Variants in GYPC observed in about 807,000 individuals in gnomAD.
The protein encoded by GYPC is glycophorin-C.
A neutral mutation model predicts 12.6 loss-of-function variants in GYPC; 14 were observed. The observed-to-expected ratio is 1.11, with a 90% CI of 0.74 to 1.74. GYPC has a LOEUF of 1.74. Ranked by LOEUF, GYPC falls within the 40% of genes most tolerant of loss-of-function variation. The pLI is 0.00. For synonymous variants in GYPC, 78 were observed against 62.1 expected (o/e 1.26, Z -1.20); for missense variants, 225 against 172.1 (o/e 1.31, Z -1.72).
intron 1 of GYPC, chr2:126,685,866 T>C (rs1020890955): frequency 1.0e-6 from 1 of 985,386 alleles, no homozygotes; most frequent in East Asian, 1.1e-4. Context: ...CTGCATTTCC[T>C]GTCATGATTT....
intron 1 of GYPC, among the ~76,000 whole-genome samples, chr2:126,666,408 TA>T (rs1558880081): frequency 1.3e-5 from 2 of 152,218 alleles, no homozygotes; most frequent in African/African-American, 4.8e-5. Flanking sequence ...TACACTTTGC[TA>T]GGCACTTTCA....
chr2:126,657,154 T>A (rs1403060121), intron 1 of GYPC, among the ~76,000 whole-genome samples: 1 of 152,202 alleles, frequency 6.6e-6, no homozygotes. Context: ...AGACACCAAC[T>A]CTTTTATAAG....
At chr2:126,693,840 C>G (rs375893366) in intron 2 of GYPC, 24 bp from the exon 3 acceptor site, 21 of 1,522,786 alleles carry the variant, frequency 1.4e-5, no homozygotes, top group Non-Finnish European at 1.9e-5. Context: ...TCTCTGACCT[C>G]AGATTCTTGT....
At chr2:126,682,974 G>T (rs898458986) in intron 1 of GYPC, among the ~76,000 whole-genome samples, 1 of 152,178 alleles carries the variant, frequency 6.6e-6, no homozygotes, top group Admixed American at 6.5e-5. Context: ...TGGGGGTCAG[G>T]CTGGGGGAAT....
chr2:126,669,434 C>T (rs1251788972), intron 1 of GYPC, among the ~76,000 whole-genome samples: 2 of 152,086 alleles, frequency 1.3e-5, no homozygotes, highest in Admixed American at 6.5e-5. Flanking sequence ...GGCACCACCC[C>T]TCCCTCATAT....
At chr2:126,676,947 A>C (rs943672106) in intron 1 of GYPC, among the ~76,000 whole-genome samples, 1 of 152,168 alleles carries the variant, frequency 6.6e-6, no homozygotes, top group Admixed American at 6.5e-5. Context: ...TTGGAGGACA[A>C]AGGAGGGTTC....
At chr2:126,678,560 C>T (rs1415906690) in intron 1 of GYPC, 1 of 152,264 alleles carries the variant, frequency 6.6e-6, no homozygotes, top group African/African-American at 2.4e-5. Context: ...CTCACGGAGC[C>T]CTCTCTGGCT....
chr2:126,673,798 GCACACACACTCA>G (rs1473617059), intron 1 of GYPC, among the ~76,000 whole-genome samples: 3 of 152,088 alleles, frequency 2.0e-5, no homozygotes, highest in Non-Finnish European at 4.4e-5. Flanking sequence ...ACACATACAT[GCACACACACTCA>G]CACACACACA....
At chr2:126,694,789 C>A (rs1683590256) in intron 3 of GYPC, among the ~76,000 whole-genome samples, 1 of 100,036 alleles carries the variant, frequency 1.0e-5, no homozygotes, top group Non-Finnish European at 2.0e-5. Context: ...CCAAATAAAC[C>A]TGCATTCTAA....
At chr2:126,664,672 G>T (rs1163670577) in intron 1 of GYPC, among the ~76,000 whole-genome samples, 1 of 152,206 alleles carries the variant, frequency 6.6e-6, no homozygotes, top group Non-Finnish European at 1.5e-5. Context: ...AAGCACCTTG[G>T]CCCATGGAAG....
At chr2:126,690,145 C>A in intron 1 of GYPC, 110 bp from the exon 2 acceptor site, 1 of 814,404 alleles carries the variant, frequency 1.2e-6, no homozygotes. Context: ...CCACTTGAAC[C>A]CATTCTCAGA....
intron 1 of GYPC, among the ~76,000 whole-genome samples, chr2:126,677,302 TGTGA>T (rs918401388): frequency 4.6e-5 from 7 of 151,586 alleles, no homozygotes; most frequent in African/African-American, 1.2e-4. Context: ...TGTTAGAGTG[TGTGA>T]GTGTGTGTGA....
chr2:126,693,985 T>C (rs1558894261), intron 3 of GYPC, 38 bp downstream of exon 3: 23 of 1,364,512 alleles, frequency 1.7e-5, no homozygotes, highest in South Asian at 7.0e-5. Context: ...GCAGCCAGGG[T>C]GGGGGGCCTT....
intron 2 of GYPC, among the ~76,000 whole-genome samples, chr2:126,691,730 A>G (rs1683471183): frequency 6.6e-6 from 1 of 152,166 alleles, no homozygotes; most frequent in Non-Finnish European, 1.5e-5. Context: ...ATTGCTTTAA[A>G]TGTTGAGACC....
chr2:126,689,004 G>A (rs1019769894), intron 1 of GYPC, among the ~76,000 whole-genome samples: 6 of 152,162 alleles, frequency 3.9e-5, no homozygotes, highest in Non-Finnish European at 7.3e-5. Flanking sequence ...TCTCCCAGAG[G>A]AAAGAAGGCA....
chr2:126,686,788 T>C, intron 1 of GYPC: 1 of 786,782 alleles, frequency 1.3e-6, no homozygotes, highest in South Asian at 5.8e-5. Context: ...CTATTTCTGA[T>C]ACCAGACCCA....
intron 1 of GYPC, among the ~76,000 whole-genome samples, chr2:126,665,780 T>C (rs1294875971): frequency 6.6e-6 from 1 of 152,210 alleles, no homozygotes; most frequent in South Asian, 2.1e-4. Flanking sequence ...ACACAGTGCC[T>C]CCTTTAATGC....
At chr2:126,695,827 C>T (rs1298523520) in intron 3 of GYPC, 119 bp from the exon 4 acceptor site, 1 of 787,408 alleles carries the variant, frequency 1.3e-6, no homozygotes, top group African/African-American at 1.7e-5. Context: ...AATCAAGGAG[C>T]ATCTCTTTTG....
intron 1 of GYPC, among the ~76,000 whole-genome samples, chr2:126,667,390 A>G (rs28387112): frequency 0.025 from 3,712 of 150,816 alleles, 175 homozygotes; most frequent in African/African-American, 0.086. Flanking sequence ...CATGATCTGG[A>G]TATCTTTTTT....
Sources: gnomAD v4.1 joint callset for allele counts (sites outside exome capture counted in the v4.1 genomes callset) on GRCh38, gnomAD v4.1.1 for gene constraint, MANE v1.5 for transcripts, NCBI Gene and HGNC (gene_info 2026-07-23, HGNC 2026-07-21) for gene names.